The following EIF2AK2 variants were observed in gnomAD, a reference collection of about 807,000 sequenced individuals.
The protein encoded by EIF2AK2 is interferon-induced, double-stranded RNA-activated protein kinase.
In EIF2AK2, 40 loss-of-function variants were observed where a neutral mutation model predicts 70.5. That is an observed-to-expected ratio of 0.57 (90% CI 0.44 to 0.74). The LOEUF (loss-of-function observed/expected upper bound fraction) is 0.74. EIF2AK2 is among the 30% of genes least tolerant of loss of function. EIF2AK2 has a pLI of 0.00. For missense variants in EIF2AK2, 555 were observed against 644.3 expected, an observed-to-expected ratio of 0.86 and a Z score of 1.50; for synonymous variants, 198 against 220.9, an observed-to-expected ratio of 0.90 and a Z score of 0.92.
intron 4 of EIF2AK2, among the ~76,000 whole-genome samples, chr2:37,146,536 G>A (rs1385598025): frequency 6.6e-6 from 1 of 152,068 alleles, no homozygotes; most frequent in Non-Finnish European, 1.5e-5. Context: ...CATTTAGGTG[G>A]AGGGGACTCC....
At chr2:37,131,159 C>T (rs563890536) in intron 10 of EIF2AK2, among the ~76,000 whole-genome samples, 29 of 152,338 alleles carry the variant, frequency 1.9e-4, no homozygotes, top group Admixed American at 6.5e-4. Context: ...ACCACTCACT[C>T]CTACCCCAGA....
chr2:37,115,532 T>C (rs1487284271), intron 13 of EIF2AK2, among the ~76,000 whole-genome samples: 1 of 152,070 alleles, frequency 6.6e-6, no homozygotes, highest in African/African-American at 2.4e-5. Context: ...TATCCTAATA[T>C]CCTAATAGTG....
intron 1 of EIF2AK2, among the ~76,000 whole-genome samples, chr2:37,154,053 G>A (rs7575957): frequency 0.41 from 62,719 of 151,922 alleles, 13,687 homozygotes; most frequent in East Asian, 0.77. Context: ...GTGGCCAGGC[G>A]CGGTGGCTCA....
chr2:37,130,061 T>G (rs1674885788), intron 10 of EIF2AK2, among the ~76,000 whole-genome samples: 2 of 152,196 alleles, frequency 1.3e-5, no homozygotes, highest in Admixed American at 6.5e-5. Flanking sequence ...CTATGGGGAC[T>G]CAAGTCCATC....
At chr2:37,121,622 T>TC (rs1456685424) in intron 12 of EIF2AK2, among the ~76,000 whole-genome samples, 1 of 151,196 alleles carries the variant, frequency 6.6e-6, no homozygotes, top group African/African-American at 2.4e-5. Flanking sequence ...GCTTGATTTT[T>TC]TTTTTTTTTT....
intron 10 of EIF2AK2, among the ~76,000 whole-genome samples, chr2:37,129,283 AGTCT>A (rs574422646): frequency 7.2e-5 from 11 of 152,238 alleles, no homozygotes; most frequent in Middle Eastern, 6.8e-3. Context: ...CCTCTCCAGG[AGTCT>A]GTTTTCAATA....
rs944236192 is a variant in EIF2AK2, at chr2:37,103,200, CT to C, written c.*4072del. On this transcript the variant is annotated 3_prime_UTR_variant, in exon 17 of 17. Transcript: ENST00000233057. ...TAGGAATATATATATCTTTTTTTTT[CT>C]TTTTTTTTTTTGAGACTGAGTTTTG... is the stretch of plus-strand genomic sequence containing the variant. The C allele has an allele frequency of 7.1e-4, 101 of 142,030 alleles. No individual in the cohort carries two copies. Among genetic ancestry groups the C allele is most frequent in the Admixed American group, 8.5e-4 (12 of 14,104 alleles). 8.8% of individuals were successfully genotyped at this position (142,030 alleles called of 1,614,324 possible).
chr2:37,144,393 C>T (rs1675450092), intron 4 of EIF2AK2, among the ~76,000 whole-genome samples: 1 of 149,894 alleles, frequency 6.7e-6, no homozygotes, highest in Admixed American at 6.6e-5. Context: ...TGTAAAACAG[C>T]CTCAGGCAGG....
chr2:37,154,642 C>T (rs977277578), intron 1 of EIF2AK2, among the ~76,000 whole-genome samples: 1 of 152,076 alleles, frequency 6.6e-6, no homozygotes, highest in African/African-American at 2.4e-5. Flanking sequence ...CTCGCTGCAA[C>T]CTCTGCCTCC....
At position 37,101,294 on chromosome 2, in the gene EIF2AK2, G is replaced by GAA. The variant is rs908781104; in HGVS notation, c.*5977_*5978dup. ...CGCATCTTTCCCATTCAGATTTAGA[G>GAA]AAAGTTCCTTAAAGAAGAATCATAG... On this transcript the variant is annotated 3_prime_UTR_variant, in exon 17 of 17. Transcript: ENST00000233057. 15 of 152,184 alleles carry GAA rather than the reference G, an allele frequency of 9.9e-5. No homozygotes were observed. The highest frequency in any genetic ancestry group is 7.3e-5 in the Non-Finnish European group (5 of 68,036). The allele number at this position is 152,184 out of a possible 1,614,324, so 9.4% of individuals were successfully genotyped here.
chr2:37,144,991 C>A (rs1003942401), intron 4 of EIF2AK2, among the ~76,000 whole-genome samples: 8 of 151,062 alleles, frequency 5.3e-5, no homozygotes, highest in African/African-American at 2.0e-4. Context: ...CCGCTATGCC[C>A]AACCATGATT....
At chr2:37,133,286 G>A (rs1675011973) in intron 10 of EIF2AK2, among the ~76,000 whole-genome samples, 1 of 152,148 alleles carries the variant, frequency 6.6e-6, no homozygotes, top group African/African-American at 2.4e-5. Context: ...TTGAGCATAA[G>A]TATTTGAACT....
Position 37,135,535 on chromosome 2 carries a change from G to T in EIF2AK2, c.734C>A (p.Pro245His), listed in dbSNP as rs1458891550. Residue 245 changes from proline (P) to histidine (H), a missense_variant, in exon 10 of 17, where the codon CCC becomes CAC. Physicochemically the swap from Pro to His is moderately conservative, Grantham distance 77. Coordinates refer to ENST00000233057, the MANE Select transcript of EIF2AK2 (RefSeq NM_001135651.3). ...NQRKAKRSLA[P>H]RFDLPDMKET... ...TTTCATGTCAGGAAGGTCAAATCTG[G>T]GTGCCAAAGATCTAAAAATTAAGAG... 1 of 1,605,508 alleles carries T rather than the reference G, an allele frequency of 6.2e-7. No individual in the cohort carries two copies. The highest frequency in any genetic ancestry group is 2.3e-5 in the East Asian group (1 of 44,256).
intron 13 of EIF2AK2, among the ~76,000 whole-genome samples, chr2:37,115,730 G>C (rs138241073): frequency 9.5e-4 from 145 of 152,228 alleles, no homozygotes; most frequent in African/African-American, 3.3e-3. Context: ...AGCCTGTGCA[G>C]AATTTCTCTT....
In EIF2AK2 at chr2:37,150,814, G is replaced by A. The variant is rs766235012; in HGVS notation, c.-183-1791C>T. Reference sequence around the variant, plus strand: ...ACTGTATGGATATAGATTTCTCTATGAAATCCCAAAAATCTCCCCTCTGAA... The same window carrying A: ...ACTGTATGGATATAGATTTCTCTATAAAATCCCAAAAATCTCCCCTCTGAA... On this transcript the variant is annotated intron_variant, in intron 1 of 16. Coordinates refer to ENST00000233057, the MANE Select transcript of EIF2AK2 (RefSeq NM_001135651.3). Among the ~76,000 whole-genome samples the A allele has an allele frequency of 5.3e-5, 8 of 152,140 alleles. No homozygotes were observed. The East Asian group carries it at 1.3e-3, about 26-fold the overall frequency.
chr2:37,136,149 A>G (rs1416119293), intron 9 of EIF2AK2, among the ~76,000 whole-genome samples: 3 of 152,144 alleles, frequency 2.0e-5, no homozygotes, highest in Non-Finnish European at 4.4e-5. Flanking sequence ...CCACCTGCAA[A>G]TGGAAGTTTA....
intron 10 of EIF2AK2, among the ~76,000 whole-genome samples, chr2:37,127,541 C>A (rs563443068): frequency 3.8e-4 from 58 of 152,172 alleles, no homozygotes; most frequent in Non-Finnish European, 5.3e-4. Context: ...TCTGTCTGTT[C>A]TCGAACTTTC....
chr2:37,139,297 AGAGCGAGATTCC>A (rs1355903127), intron 6 of EIF2AK2, among the ~76,000 whole-genome samples: 8 of 149,670 alleles, frequency 5.3e-5, no homozygotes, highest in African/African-American at 2.0e-4. Flanking sequence ...CCTGGGCAAC[AGAGCGAGATTCC>A]ATCTCAAAAA....
At chr2:37,121,003 C>A (rs1230158164) in intron 12 of EIF2AK2, among the ~76,000 whole-genome samples, 1 of 148,784 alleles carries the variant, frequency 6.7e-6, no homozygotes, top group African/African-American at 2.4e-5. Context: ...GTGGCTCACG[C>A]ATGTAATCCC....
Sources: allele counts gnomAD v4.1 joint callset (sites outside exome capture counted in the v4.1 genomes callset), GRCh38; gene constraint gnomAD v4.1.1; transcripts MANE v1.5; gene names NCBI Gene and HGNC (gene_info 2026-07-23, HGNC 2026-07-21).